Variants in SLAMF9 observed in about 807,000 individuals in gnomAD.
The protein encoded by SLAMF9 is CD2 family member 10.
Under a neutral mutation model 30.4 loss-of-function variants are expected in SLAMF9, and 25 were observed. The observed-to-expected ratio is 0.82, with a 90% CI of 0.60 to 1.15. SLAMF9 has a LOEUF of 1.15. Among genes scored for constraint, SLAMF9 ranks in the 50% most tolerant of loss-of-function variants. The pLI, the probability that SLAMF9 is intolerant of heterozygous loss-of-function variation, is 0.00. For missense variants in SLAMF9, 344 were observed against 346.1 expected, an observed-to-expected ratio of 0.99 and a Z score of 0.05; for synonymous variants, 129 against 127.2, an observed-to-expected ratio of 1.01 and a Z score of -0.09.
At chr1:159,952,930 G>A (rs548022939) in intron 2 of SLAMF9, among the ~76,000 whole-genome samples, 111 of 152,284 alleles carry the variant, frequency 7.3e-4, no homozygotes, top group African/African-American at 2.2e-3. Context: ...AGAAATTTGG[G>A]TTCAAGTAAA....
chr1:159,954,052 T>C, intron 1 of SLAMF9, 40 bp downstream of exon 1: 1 of 1,613,042 alleles, frequency 6.2e-7, no homozygotes, highest in Non-Finnish European at 8.5e-7. Flanking sequence ...AACAGAGGTG[T>C]AGGGGACATT....
At chr1:159,953,676 C>T in intron 1 of SLAMF9, 23 bp from the exon 2 acceptor site, 2 of 1,569,456 alleles carry the variant, frequency 1.3e-6, no homozygotes, top group Non-Finnish European at 1.7e-6. Flanking sequence ...AAAAGAGAAG[C>T]AAACAACCCA....
chr1:159,974,510 T>C, the SLAMF9 span, among the ~76,000 whole-genome samples: 1 of 152,094 alleles, frequency 6.6e-6, no homozygotes, highest in Non-Finnish European at 1.5e-5. Flanking sequence ...CAGCTCCAGG[T>C]CCGGACGTGT....
At chr1:159,968,934 C>T in the SLAMF9 span, among the ~76,000 whole-genome samples, 2 of 151,810 alleles carry the variant, frequency 1.3e-5, no homozygotes, top group South Asian at 2.1e-4. Flanking sequence ...CGCCTGTACT[C>T]GGGAGGCTGA....
At chr1:159,952,129 G>A (rs1055960436) in intron 3 of SLAMF9, 133 bp downstream of exon 3, 1 of 1,060,474 alleles carries the variant, frequency 9.4e-7, no homozygotes, top group Non-Finnish European at 1.4e-6. Context: ...CTCCAATCCA[G>A]GTGTCAAGCC....
the SLAMF9 span, chr1:159,976,977 A>AGAAG: frequency 4.1e-4 from 18 of 44,002 alleles, no homozygotes; most frequent in Non-Finnish European, 1.1e-3. Flanking sequence ...AAAGAAGGAA[A>AGAAG]GAAGGAAAGA....
chr1:159,964,433 G>A, the SLAMF9 span, among the ~76,000 whole-genome samples: 1 of 152,174 alleles, frequency 6.6e-6, no homozygotes, highest in East Asian at 1.9e-4. Context: ...CTGCCGCAGG[G>A]AAGCAGGTGC....
chr1:159,954,800 C>T (rs985957459), upstream of SLAMF9, among the ~76,000 whole-genome samples: 5 of 152,258 alleles, frequency 3.3e-5, no homozygotes, highest in African/African-American at 7.2e-5. Context: ...GCAGTTTGGC[C>T]GGGTGCAATG....
At chr1:159,959,831 TC>T in the SLAMF9 span, among the ~76,000 whole-genome samples, 15 of 152,192 alleles carry the variant, frequency 9.9e-5, no homozygotes, top group African/African-American at 3.4e-4. Flanking sequence ...TCTCCTTGAC[TC>T]CCATTGTACG....
At chr1:159,962,256 G>A in the SLAMF9 span, among the ~76,000 whole-genome samples, 203 of 151,358 alleles carry the variant, frequency 1.3e-3, 1 homozygote, top group African/African-American at 4.8e-3. Context: ...CAATGATTTC[G>A]TTTTAAGAGT....
rs1402855118 is a variant in SLAMF9 at position 159,951,633 on chromosome 1, G to A, written c.*28C>T. On this transcript the variant is annotated 3_prime_UTR_variant, in exon 4 of 4. Transcript: ENST00000368093. Reference sequence around the variant, plus strand: ...TCTCTGGGTGCTGGGAAGAAACCAAGCTCAGGACTGGGGTTCCCAAGGAGC... The same window carrying A: ...TCTCTGGGTGCTGGGAAGAAACCAAACTCAGGACTGGGGTTCCCAAGGAGC... 4.4e-6 allele frequency: 7 copies of A among 1,608,252 alleles called. No individual in the cohort carries two copies. The highest frequency in any genetic ancestry group is 6.0e-6 in the Non-Finnish European group (7 of 1,175,976).
intron 2 of SLAMF9, among the ~76,000 whole-genome samples, chr1:159,953,062 A>C (rs557629714): frequency 6.6e-6 from 1 of 152,320 alleles, no homozygotes; most frequent in South Asian, 2.1e-4. Flanking sequence ...GGATCTGTAC[A>C]TGAAGCCCCT....
the SLAMF9 span, among the ~76,000 whole-genome samples, chr1:159,970,889 A>T: frequency 6.6e-6 from 1 of 152,228 alleles, no homozygotes; most frequent in Non-Finnish European, 1.5e-5. Context: ...CAGAGGAAGG[A>T]CACATATTAA....
At chr1:159,956,776 A>G (rs1557944512), upstream of SLAMF9, among the ~76,000 whole-genome samples, 1 of 152,190 alleles carries the variant, frequency 6.6e-6, no homozygotes, top group Non-Finnish European at 1.5e-5. Flanking sequence ...AATAAGCCAG[A>G]CACAGAAAGA....
the SLAMF9 span, chr1:159,965,698 A>G: frequency 6.6e-6 from 1 of 152,164 alleles, no homozygotes; most frequent in Admixed American, 6.5e-5. Context: ...TGCATACCTC[A>G]TCTTTGATCC....
the SLAMF9 span, among the ~76,000 whole-genome samples, chr1:159,970,733 G>GAGTACAGTCAGAAAT: frequency 6.6e-6 from 1 of 152,274 alleles, no homozygotes; most frequent in East Asian, 1.9e-4. Flanking sequence ...CAGTCAGAAA[G>GAGTACAGTCAGAAAT]AATACAGTCT....
At chr1:159,957,442 G>A (rs1344230792), upstream of SLAMF9, among the ~76,000 whole-genome samples, 2 of 152,058 alleles carry the variant, frequency 1.3e-5, no homozygotes, top group Admixed American at 1.3e-4. Flanking sequence ...TGGCCAACAT[G>A]GTGAAATCCT....
chr1:159,955,617 A>C (rs1256758284), upstream of SLAMF9, among the ~76,000 whole-genome samples: 1 of 152,256 alleles, frequency 6.6e-6, no homozygotes, highest in Non-Finnish European at 1.5e-5. Context: ...GTGACCAAGA[A>C]TTTTAGATCG....
the SLAMF9 span, among the ~76,000 whole-genome samples, chr1:159,974,546 G>C: frequency 6.6e-6 from 1 of 152,194 alleles, no homozygotes; most frequent in African/African-American, 2.4e-5. Flanking sequence ...GAAGGAGCCT[G>C]ATCTGGCTCG....
Sources: allele counts gnomAD v4.1 joint callset (sites outside exome capture counted in the v4.1 genomes callset), GRCh38; gene constraint gnomAD v4.1.1; transcripts MANE v1.5; gene names NCBI Gene and HGNC (gene_info 2026-07-23, HGNC 2026-07-21).